STK32A: variants seen among roughly 807,000 people sequenced by gnomAD.
The protein encoded by STK32A is serine/threonine-protein kinase 32A.
STK32A carries 41 observed loss-of-function variants against 53.2 expected under a neutral mutation model. That is an observed-to-expected ratio of 0.77 (90% confidence interval 0.60 to 1.00). STK32A has a LOEUF of 1.00. Ranked by LOEUF, STK32A falls within the 50% of genes least tolerant of loss-of-function variation. The pLI, the probability that STK32A is intolerant of heterozygous loss-of-function variation, is 0.00. For missense variants in STK32A, 458 were observed against 485.8 expected, an observed-to-expected ratio of 0.94 and a Z score of 0.54; for synonymous variants, 166 against 162.8, an observed-to-expected ratio of 1.02 and a Z score of -0.15.
intron 4 of STK32A, among the ~76,000 whole-genome samples, chr5:147,314,964 G>A (rs943166590): frequency 1.2e-4 from 18 of 151,852 alleles, no homozygotes; most frequent in Non-Finnish European, 2.4e-4. Context: ...AGGCTGGTCT[G>A]AAACTCCTGG....
Position 147,328,684 on chromosome 5 carries a change from C to T in STK32A, c.434+4613C>T, listed in dbSNP as rs141184666. On this transcript the variant is annotated intron_variant, in intron 5 of 12. Transcript: ENST00000397936. ...AAATTAGGGACAAAGTGATTATTTGCTTTTATTTAAAAAATAAGGGAAACA... is the reference window on the plus strand; with the variant it reads ...AAATTAGGGACAAAGTGATTATTTGTTTTTATTTAAAAAATAAGGGAAACA... Among the ~76,000 whole-genome samples the T allele has an allele frequency of 9.0e-3, 1,373 of 152,184 alleles. 22 individuals are homozygous for T. The highest frequency in any genetic ancestry group is 0.031 in the African/African-American group (1,288 of 41,522).
chr5:147,401,718 C>A, the STK32A span: 43 of 1,613,576 alleles, frequency 2.7e-5, no homozygotes, highest in Non-Finnish European at 3.2e-5. Context: ...AGGAAACAGA[C>A]AAGGGGTTAG....
At chr5:147,380,487 A>C (rs1324908476) in intron 11 of STK32A, among the ~76,000 whole-genome samples, 1 of 152,110 alleles carries the variant, frequency 6.6e-6, no homozygotes, top group Non-Finnish European at 1.5e-5. Flanking sequence ...AAAAATAATA[A>C]ATGACTGAAT....
intron 1 of STK32A, among the ~76,000 whole-genome samples, chr5:147,236,207 G>A (rs1443065196): frequency 6.6e-6 from 1 of 152,104 alleles, no homozygotes; most frequent in Non-Finnish European, 1.5e-5. Flanking sequence ...ATGAAAGGTT[G>A]GTATTAGGGA....
chr5:147,267,973 C>T (rs573255094), intron 2 of STK32A, among the ~76,000 whole-genome samples: 2 of 152,160 alleles, frequency 1.3e-5, no homozygotes, highest in African/African-American at 4.8e-5. Flanking sequence ...TTCTAGGCAG[C>T]CTTTAACAAA....
intron 5 of STK32A, among the ~76,000 whole-genome samples, chr5:147,342,286 A>G (rs1461668461): frequency 6.6e-6 from 1 of 152,174 alleles, no homozygotes; most frequent in Non-Finnish European, 1.5e-5. Flanking sequence ...ATATCCATAA[A>G]CAGAACCAAG....
At chr5:147,253,167 G>T (rs988561972) in intron 2 of STK32A, among the ~76,000 whole-genome samples, 1 of 152,038 alleles carries the variant, frequency 6.6e-6, no homozygotes, top group Non-Finnish European at 1.5e-5. Context: ...AGTTCTCTTA[G>T]ATTGCAATTT....
In STK32A at chr5:147,375,327, A is replaced by C. The variant is rs923334209; in HGVS notation, c.1032+109A>C. 3.6e-6 allele frequency: 5 copies of C among 1,394,174 alleles called. No individual in the cohort carries two copies. In the African/African-American group the frequency reaches 7.3e-5, roughly 20 times the overall value. The allele number at this position is 1,394,174 out of a possible 1,614,324, so 86.4% of individuals were successfully genotyped here. Reference sequence around the variant, plus strand: ...TTTCAGCTTCCTGCTTTTGCTGCTTAGTGAAATAGGAGAAGTAGATCAGCC... The same window carrying C: ...TTTCAGCTTCCTGCTTTTGCTGCTTCGTGAAATAGGAGAAGTAGATCAGCC... On this transcript the variant is annotated intron_variant, in intron 11 of 12. Coordinates refer to ENST00000397936, the MANE Select transcript of STK32A (RefSeq NM_001112724.2).
In STK32A at chr5:147,385,505, G is replaced by A. The variant is rs546049813; in HGVS notation, c.*1522G>A. ...GACAGGCAAGTTCATGGAGACTAAG[G>A]GAACAGTGGTATCATGTCTCCCTTC... is the stretch of plus-strand genomic sequence containing the variant. On this transcript the variant is annotated 3_prime_UTR_variant, in exon 13 of 13. Coordinates refer to ENST00000397936, the MANE Select transcript of STK32A (RefSeq NM_001112724.2). The A allele has an allele frequency of 2.0e-5, 3 of 152,116 alleles. No individual in the cohort carries two copies. Among genetic ancestry groups the A allele is most frequent in the Non-Finnish European group, 2.9e-5 (2 of 68,014 alleles). The allele number at this position is 152,116 out of a possible 1,614,324, so 9.4% of individuals were successfully genotyped here.
At chr5:147,348,927 A>G (rs918797) in intron 6 of STK32A, 99,802 of 525,846 alleles carry the variant, frequency 0.19, 11,728 homozygotes, top group African/African-American at 0.43. Flanking sequence ...CAGAGAGGAT[A>G]AGTGACGTTT....
At chr5:147,318,788 A>C (rs1185911519) in intron 4 of STK32A, among the ~76,000 whole-genome samples, 1 of 151,868 alleles carries the variant, frequency 6.6e-6, no homozygotes, top group Non-Finnish European at 1.5e-5. Context: ...AAAAAAAAAA[A>C]AAAATTACAG....
intron 11 of STK32A, among the ~76,000 whole-genome samples, chr5:147,382,703 T>C (rs1052313328): frequency 1.3e-5 from 2 of 152,130 alleles, no homozygotes; most frequent in Non-Finnish European, 2.9e-5. Context: ...GCCTGCACCC[T>C]TCCCTGGTCA....
intron 5 of STK32A, among the ~76,000 whole-genome samples, chr5:147,326,271 A>G (rs1252375114): frequency 6.6e-6 from 1 of 152,070 alleles, no homozygotes; most frequent in African/African-American, 2.4e-5. Context: ...AATCACATCC[A>G]CAGTTATTAC....
At chr5:147,378,589 C>T (rs1226463446) in intron 11 of STK32A, among the ~76,000 whole-genome samples, 1 of 152,078 alleles carries the variant, frequency 6.6e-6, no homozygotes, top group Non-Finnish European at 1.5e-5. Flanking sequence ...TCAGAGTCAC[C>T]TTGTTACTCT....
At chr5:147,295,482 C>T (rs879581217) in intron 4 of STK32A, among the ~76,000 whole-genome samples, 5 of 152,194 alleles carry the variant, frequency 3.3e-5, no homozygotes, top group Admixed American at 6.5e-5. Flanking sequence ...TCAGAAGGCA[C>T]GGTGGCTTTC....
chr5:147,301,976 T>C (rs1311415328), intron 4 of STK32A, among the ~76,000 whole-genome samples: 1 of 152,206 alleles, frequency 6.6e-6, no homozygotes, highest in Non-Finnish European at 1.5e-5. Context: ...TCCTTATTCA[T>C]CTTTTAAGGC....
At chr5:147,340,959 T>A (rs953263634) in intron 5 of STK32A, among the ~76,000 whole-genome samples, 5 of 152,216 alleles carry the variant, frequency 3.3e-5, no homozygotes, top group African/African-American at 1.2e-4. Context: ...CCCTCTCTGA[T>A]CTCTGTAATA....
At chr5:147,326,757 G>T (rs570165362) in intron 5 of STK32A, among the ~76,000 whole-genome samples, 3 of 152,094 alleles carry the variant, frequency 2.0e-5, no homozygotes, top group Non-Finnish European at 4.4e-5. Flanking sequence ...TCCAAACCAG[G>T]ATACTCTGAG....
At chr5:147,307,663 C>T (rs1303042095) in intron 4 of STK32A, among the ~76,000 whole-genome samples, 1 of 150,520 alleles carries the variant, frequency 6.6e-6, no homozygotes, top group Admixed American at 6.6e-5. Context: ...TTGCCTATGC[C>T]AACGTGGAGC....
Sources: allele counts gnomAD v4.1 joint callset (sites outside exome capture counted in the v4.1 genomes callset), GRCh38; gene constraint gnomAD v4.1.1; transcripts MANE v1.5; gene names NCBI Gene and HGNC (gene_info 2026-07-23, HGNC 2026-07-21).